WDR33: variants seen among roughly 807,000 people sequenced by gnomAD.
WDR33 encodes pre-mRNA 3' end processing protein WDR33.
WDR33 carries 47 observed loss-of-function variants against 164.9 expected under a neutral mutation model. That is an observed-to-expected ratio of 0.29 (90% CI 0.23 to 0.36). The LOEUF (loss-of-function observed/expected upper bound fraction) is 0.36, where lower values mean the gene tolerates loss of function less well. Ranked by LOEUF, WDR33 falls within the 10% of genes least tolerant of loss-of-function variation. The pLI, the probability that WDR33 is intolerant of heterozygous loss-of-function variation, is 1.00. For missense variants in WDR33, 1,137 were observed against 1,754.1 expected (o/e 0.65, Z 6.28); for synonymous variants, 505 against 589.0 (o/e 0.86, Z 2.06).
chr2:127,765,106 G>A, intron 5 of WDR33, 68 bp downstream of exon 5: 1 of 1,559,982 alleles, frequency 6.4e-7, no homozygotes, highest in African/African-American at 1.4e-5. Context: ...CAATGCCAAT[G>A]AAATGACTAT....
chr2:127,782,426 C>T (rs1351041733), intron 1 of WDR33, among the ~76,000 whole-genome samples: 1 of 151,844 alleles, frequency 6.6e-6, no homozygotes, highest in Non-Finnish European at 1.5e-5. Context: ...GAAAATTGAT[C>T]TCAAAAAGAA....
chr2:127,804,138 G>A (rs1316890767), intron 1 of WDR33, among the ~76,000 whole-genome samples: 3 of 151,880 alleles, frequency 2.0e-5, no homozygotes, highest in Non-Finnish European at 2.9e-5. Context: ...TGGCTAACAC[G>A]GTGAAACCCT....
At position 127,726,791 on chromosome 2, in the gene WDR33, G is replaced by A. The variant is rs1396908650; in HGVS notation, c.725-14C>T. 3 of 1,613,550 alleles carry A rather than the reference G, an allele frequency of 1.9e-6. No homozygotes were observed. The South Asian group carries it at 3.3e-5, about 18-fold the overall frequency. Reference sequence around the variant, plus strand: ...CAGCACCATGCCCTGTCGGAAACAAGTTAGGATTAAAACCTAATTAGTTAC... The same window carrying A: ...CAGCACCATGCCCTGTCGGAAACAAATTAGGATTAAAACCTAATTAGTTAC... On this transcript the variant is annotated splice_polypyrimidine_tract_variant and intron_variant, in intron 7 of 21. Coordinates refer to ENST00000322313, the MANE Select transcript of WDR33 (RefSeq NM_018383.5). The surrounding 1 kb of genome is among the most constrained non-coding windows in gnomAD (Gnocchi z 4.8).
At chr2:127,739,906 G>T (rs931859807) in intron 7 of WDR33, among the ~76,000 whole-genome samples, 2 of 152,068 alleles carry the variant, frequency 1.3e-5, no homozygotes, top group Non-Finnish European at 2.9e-5. Context: ...AATGACTCCA[G>T]AAAAAATAAC....
At chr2:127,799,087 A>G (rs1253224458) in intron 1 of WDR33, 2 of 152,154 alleles carry the variant, frequency 1.3e-5, no homozygotes, top group Non-Finnish European at 2.9e-5. Flanking sequence ...ATTTATACCA[A>G]TGGAGGAGAA....
rs568633190 is a variant in WDR33, at chr2:127,741,024, A to G, written c.725-14247T>C. Among the ~76,000 whole-genome samples, 1 of 152,318 alleles carries G rather than the reference A, an allele frequency of 6.6e-6. No homozygotes were observed. The highest frequency in any genetic ancestry group is 2.4e-5 in the African/African-American group (1 of 41,580). ...ACATAGACTGTAGTTGTCAGTGACA[A>G]AGGTTGTGGCAAAGGCTCAGTGACA... On this transcript the variant is annotated intron_variant, in intron 7 of 21. Transcript: ENST00000322313. This position sits in a 1 kb window ranked among gnomAD's most constrained non-coding sequence, Gnocchi z 4.1.
chr2:127,726,840 A>C lies in WDR33; in HGVS notation c.725-63T>G, dbSNP rs1164631974. On this transcript the variant is annotated intron_variant, in intron 7 of 21. Transcript: ENST00000322313. This position sits in a 1 kb window ranked among gnomAD's most constrained non-coding sequence, Gnocchi z 4.8. ...ACATGCATTTAAAGCAATTTAAACC[A>C]AAGTAGAGAAACCTAGTAAATGTTT... 1 of 1,586,722 alleles carries C rather than the reference A, an allele frequency of 6.3e-7. No individual in the cohort carries two copies. The highest frequency in any genetic ancestry group is 1.8e-5 in the Admixed American group (1 of 56,642).
chr2:127,766,448 A>G (rs1239117058), intron 4 of WDR33, among the ~76,000 whole-genome samples: 6 of 152,166 alleles, frequency 3.9e-5, no homozygotes, highest in African/African-American at 1.4e-4. Context: ...GTTATCTGGT[A>G]TGGATCCTAA....
At chr2:127,744,804 T>G (rs1031958710) in intron 7 of WDR33, among the ~76,000 whole-genome samples, 1 of 152,212 alleles carries the variant, frequency 6.6e-6, no homozygotes, top group African/African-American at 2.4e-5. Flanking sequence ...TGTGTAGGTG[T>G]GAATACACCT....
chr2:127,794,833 C>CAAAAAAAA (rs990234716), intron 1 of WDR33, among the ~76,000 whole-genome samples: 2 of 79,252 alleles, frequency 2.5e-5, no homozygotes, highest in Admixed American at 1.6e-4. Context: ...GACTCCGTTT[C>CAAAAAAAA]AAAAAAAAAA....
intron 4 of WDR33, 128 bp from the exon 5 acceptor site, chr2:127,765,397 G>T: frequency 1.4e-6 from 1 of 691,602 alleles, no homozygotes; most frequent in Non-Finnish European, 2.4e-6. Context: ...CTTAAATGTA[G>T]CTCAGCTTTA....
In WDR33 at chr2:127,769,010, T is replaced by C. The variant is rs1687909202; in HGVS notation, c.205-9A>G. On this transcript the variant is annotated splice_polypyrimidine_tract_variant and intron_variant, in intron 2 of 21. Transcript: ENST00000322313. ...CTTTGCCATATTCTGTTCTGTTAAA[T>C]AAATAAATAAATAAATAAATAAATA... 1.0e-5 allele frequency: 11 copies of C among 1,101,722 alleles called. 1 individual carries two copies. Among genetic ancestry groups the C allele is most frequent in the Non-Finnish European group, 1.3e-5 (11 of 848,498 alleles). 68.2% of individuals were successfully genotyped at this position (1,101,722 alleles called of 1,614,324 possible).
In WDR33 at chr2:127,723,151, T is replaced by G. The variant is rs897482023; in HGVS notation, c.1291+102A>C. ...GTCACTGATGATTTATAAATAAATCTACTATAAAATTAAAATTCATTTTGT... is the reference window on the plus strand; with the variant it reads ...GTCACTGATGATTTATAAATAAATCGACTATAAAATTAAAATTCATTTTGT... On this transcript the variant is annotated intron_variant, in intron 12 of 21. Coordinates refer to ENST00000322313, the MANE Select transcript of WDR33 (RefSeq NM_018383.5). The surrounding 1 kb of genome is among the most constrained non-coding windows in gnomAD (Gnocchi z 5.9). 1.4e-6 allele frequency: 2 copies of G among 1,407,868 alleles called. No individual in the cohort carries two copies. The highest frequency in any genetic ancestry group is 2.9e-5 in the African/African-American group (2 of 68,892). 87.2% of individuals were successfully genotyped at this position (1,407,868 alleles called of 1,614,324 possible). A position where few individuals can be genotyped will look rare whatever the true frequency, so the allele number is the denominator to read the frequency against.
At chr2:127,750,701 T>TGC (rs1558936942) in intron 7 of WDR33, among the ~76,000 whole-genome samples, 5 of 55,970 alleles carry the variant, frequency 8.9e-5, no homozygotes, top group Non-Finnish European at 1.5e-4. Context: ...TATATATATA[T>TGC]ATATATATAT....
At chr2:127,750,714 G>GTATGCATATATATATATATATATATA (rs1558937023) in intron 7 of WDR33, among the ~76,000 whole-genome samples, 1 of 33,332 alleles carries the variant, frequency 3.0e-5, no homozygotes, top group Non-Finnish European at 4.7e-5. Context: ...ATATATATAT[G>GTATGCATATATATATATATATATATA]TATGTATGCA....
intron 7 of WDR33, chr2:127,736,833 A>C: frequency 1.0e-6 from 1 of 985,434 alleles, no homozygotes; most frequent in Non-Finnish European, 1.2e-6. Context: ...GCTGCTGTTA[A>C]ACTCTTTTAC....
Position 127,706,580 on chromosome 2 carries a change from C to T in WDR33, c.3782-28G>A. On this transcript the variant is annotated intron_variant, in intron 21 of 21. Coordinates refer to ENST00000322313, the MANE Select transcript of WDR33 (RefSeq NM_018383.5). This position sits in a 1 kb window ranked among gnomAD's most constrained non-coding sequence, Gnocchi z 5.1. Reference sequence around the variant, plus strand: ...GAAACAAAGAAAATTTCACATGGGACTTTTTGTATTAGCAACTGTTTGTCA... The same window carrying T: ...GAAACAAAGAAAATTTCACATGGGATTTTTTGTATTAGCAACTGTTTGTCA... 1.3e-6 allele frequency: 2 copies of T among 1,575,264 alleles called. No individual in the cohort carries two copies. Among genetic ancestry groups the T allele is most frequent in the Non-Finnish European group, 1.7e-6 (2 of 1,161,386 alleles).
At chr2:127,788,269 G>C (rs1295854091) in intron 1 of WDR33, among the ~76,000 whole-genome samples, 1 of 131,108 alleles carries the variant, frequency 7.6e-6, no homozygotes. Context: ...CCTCCCTCCC[G>C]GACAGGGCGG....
At chr2:127,784,032 C>T (rs1005841238) in intron 1 of WDR33, among the ~76,000 whole-genome samples, 6 of 151,756 alleles carry the variant, frequency 4.0e-5, no homozygotes, top group Non-Finnish European at 7.4e-5. Flanking sequence ...TTTTAAATAA[C>T]GATAAACTCA....
Sources: gnomAD v4.1 joint callset for allele counts (sites outside exome capture counted in the v4.1 genomes callset) on GRCh38, gnomAD v4.1.1 for gene constraint, Gnocchi (gnomAD v3.1) non-coding constraint, MANE v1.5 for transcripts, NCBI Gene and HGNC (gene_info 2026-07-23, HGNC 2026-07-21) for gene names.